Variants in TBC1D2 observed in about 807,000 individuals in gnomAD.
TBC1D2 encodes the protein TBC1 domain family member 2A.
Under a neutral mutation model 91.1 loss-of-function variants are expected in TBC1D2, and 58 were observed. That is an observed-to-expected ratio of 0.64 (90% CI 0.52 to 0.79). TBC1D2 has a LOEUF of 0.79. Among genes scored for constraint, TBC1D2 ranks in the 30% least tolerant of loss-of-function variants. The probability of loss-of-function intolerance (pLI) is 0.00; values close to 1 mark genes in which losing one functional copy is unlikely to be tolerated. For missense variants in TBC1D2, 1,080 were observed against 1,208.3 expected (o/e 0.89, Z 1.57); for synonymous variants, 482 against 511.5 (o/e 0.94, Z 0.78).
Position 98,199,448 on chromosome 9 carries a change from C to G in TBC1D2, c.2720G>C (p.Arg907Pro). 1 of 1,614,098 alleles carries G rather than the reference C, an allele frequency of 6.2e-7. No individual in the cohort carries two copies. Among genetic ancestry groups the G allele is most frequent in the South Asian group, 1.1e-5 (1 of 91,080 alleles). Reference protein sequence around the residue: ...EQLKAEYLERRASRRRAVSEG... With the variant: ...EQLKAEYLERPASRRRAVSEG... ...GGACACAGCTCTGCGCCGGGATGCC[C>G]GCCTCTCCAGGTACTCTGCCTTAAG... The change falls in exon 13 of 13, where the codon CGG becomes CCG. Residue 907 changes from arginine to proline, a missense_variant. Arg to Pro is a moderately radical substitution (Grantham distance 103). Transcript: ENST00000465784.
chr9:98,231,056 T>C (rs1212272559), intron 4 of TBC1D2, among the ~76,000 whole-genome samples: 3 of 152,184 alleles, frequency 2.0e-5, no homozygotes, highest in Non-Finnish European at 4.4e-5. Flanking sequence ...AAGCTCCTTG[T>C]AGCACTGCTG....
chr9:98,224,308 G>A (rs1481897195), intron 5 of TBC1D2, among the ~76,000 whole-genome samples: 19 of 144,930 alleles, frequency 1.3e-4, no homozygotes, highest in African/African-American at 4.3e-4. Context: ...TTTGAGACAG[G>A]GTCTCACTCT....
intron 3 of TBC1D2, among the ~76,000 whole-genome samples, chr9:98,241,407 G>A (rs1256612633): frequency 6.6e-6 from 1 of 152,170 alleles, no homozygotes; most frequent in African/African-American, 2.4e-5. Context: ...CACCAACAGT[G>A]AGTTCCAAGA....
At chr9:98,240,281 G>C (rs897754370) in intron 3 of TBC1D2, among the ~76,000 whole-genome samples, 24 of 151,756 alleles carry the variant, frequency 1.6e-4, no homozygotes, top group African/African-American at 5.1e-4. Flanking sequence ...AAAATTCATC[G>C]GTTGAATTAA....
At chr9:98,247,600 G>A (rs908729042) in intron 2 of TBC1D2, among the ~76,000 whole-genome samples, 5 of 151,626 alleles carry the variant, frequency 3.3e-5, no homozygotes, top group African/African-American at 1.2e-4. Flanking sequence ...GTGGTGGCAC[G>A]CACCTATAGT....
Position 98,255,366 on chromosome 9 carries a change from C to A in TBC1D2, c.176G>T (p.Gly59Val). The A allele has an allele frequency of 1.2e-6, 2 of 1,614,242 alleles. No individual in the cohort carries two copies. Among genetic ancestry groups the A allele is most frequent in the Non-Finnish European group, 1.7e-6 (2 of 1,180,054 alleles). Residue 59 changes from glycine to valine, a missense_variant, in exon 1 of 13, where the codon GGG (glycine) becomes GTG (valine). Gly to Val is a moderately radical substitution (Grantham distance 109, BLOSUM62 -3). Transcript: ENST00000465784. ...GCGGGATTTCCAGCCCCGGATGGGC[C>A]CTTTGCCGCCGAACTTACTTAAATA... is the stretch of plus-strand genomic sequence containing the variant. ...CGYLSKFGGK[G>V]PIRGWKSRWF...
chr9:98,246,169 G>C (rs958293365), intron 2 of TBC1D2, among the ~76,000 whole-genome samples: 1 of 152,218 alleles, frequency 6.6e-6, no homozygotes, highest in African/African-American at 2.4e-5. Context: ...GGGTTGGTAT[G>C]AGCTTGATTA....
At chr9:98,251,757 G>A in intron 2 of TBC1D2, 28 bp downstream of exon 2, 1 of 1,545,198 alleles carries the variant, frequency 6.5e-7, no homozygotes, top group Non-Finnish European at 8.7e-7. Context: ...CCCTGGGTGT[G>A]CAGGCAGGAG....
At chr9:98,250,019 AATT>A (rs149008260) in intron 2 of TBC1D2, among the ~76,000 whole-genome samples, 4,702 of 152,222 alleles carry the variant, frequency 0.031, 93 homozygotes, top group Non-Finnish European at 0.048. Flanking sequence ...GGACGGGGGT[AATT>A]ATTAATAGAA....
At chr9:98,247,362 CA>C (rs200032213) in intron 2 of TBC1D2, among the ~76,000 whole-genome samples, 38 of 139,408 alleles carry the variant, frequency 2.7e-4, no homozygotes, top group African/African-American at 4.3e-4. Context: ...CACAAACAAA[CA>C]AAAAAAAAAA....
At chr9:98,234,915 C>T in intron 3 of TBC1D2, 1 of 200,548 alleles carries the variant, frequency 5.0e-6, no homozygotes, top group Non-Finnish European at 1.0e-5. Flanking sequence ...CAGTAAAGAT[C>T]TGGGATATGG....
In TBC1D2 at chr9:98,201,543, G is replaced by A. The variant is rs770857502; in HGVS notation, c.2393C>T (p.Ala798Val). ...GAGGATGTTGCTAATGAGACTGTCCGCAAAGACCACGAGGAACCAGTTGAA... is the reference window on the plus strand; with the variant it reads ...GAGGATGTTGCTAATGAGACTGTCCACAAAGACCACGAGGAACCAGTTGAA... ...VTFNWFLVVF[A>V]DSLISNILLR... The change falls in exon 11 of 13, where the codon GCG becomes GTG. Residue 798 changes from alanine (A) to valine (V), a missense_variant. By Grantham distance (64) the Ala-to-Val change is moderately conservative (BLOSUM62 0). Coordinates refer to ENST00000465784, the MANE Select transcript of TBC1D2 (RefSeq NM_001267571.2). The A allele has an allele frequency of 1.2e-5, 19 of 1,613,984 alleles. No individual in the cohort carries two copies. The African/African-American group carries it at 1.2e-4, about 10-fold the overall frequency.
At chr9:98,225,183 G>A (rs1407394213) in intron 5 of TBC1D2, among the ~76,000 whole-genome samples, 2 of 152,194 alleles carry the variant, frequency 1.3e-5, no homozygotes, top group Non-Finnish European at 2.9e-5. Context: ...CCAACAGATG[G>A]CCAACATCAC....
chr9:98,244,227 G>A (rs1829715525), intron 2 of TBC1D2, 98 bp from the exon 3 acceptor site: 1 of 1,517,064 alleles, frequency 6.6e-7, no homozygotes, highest in Non-Finnish European at 8.9e-7. Context: ...CTGGGAACAG[G>A]CTGGAGTTGG....
chr9:98,244,825 A>G (rs780569260), intron 2 of TBC1D2, among the ~76,000 whole-genome samples: 7 of 152,220 alleles, frequency 4.6e-5, no homozygotes, highest in Non-Finnish European at 8.8e-5. Context: ...ACTTGGGAAT[A>G]GGTTAAGTAT....
chr9:98,231,304 T>C (rs1177755752), intron 4 of TBC1D2, among the ~76,000 whole-genome samples: 1 of 136,670 alleles, frequency 7.3e-6, no homozygotes, highest in Non-Finnish European at 1.6e-5. Context: ...TTTTTTTTTT[T>C]AATTTGTAGC....
At chr9:98,245,037 G>A (rs1013212278) in intron 2 of TBC1D2, among the ~76,000 whole-genome samples, 2 of 151,136 alleles carry the variant, frequency 1.3e-5, no homozygotes, top group South Asian at 2.1e-4. Context: ...TCAGGAGATC[G>A]AGACTGTCCT....
intron 5 of TBC1D2, among the ~76,000 whole-genome samples, chr9:98,224,007 G>C (rs190525898): frequency 2.6e-5 from 4 of 152,132 alleles, no homozygotes; most frequent in Admixed American, 2.6e-4. Flanking sequence ...AGACCATCCT[G>C]GCTAACATGG....
At chr9:98,240,186 TG>T (rs1829602621) in intron 3 of TBC1D2, among the ~76,000 whole-genome samples, 1 of 151,848 alleles carries the variant, frequency 6.6e-6, no homozygotes, top group Non-Finnish European at 1.5e-5. Context: ...TGTGTGTGTG[TG>T]TGTGTGTTTT....
Sources: allele counts gnomAD v4.1 joint callset (sites outside exome capture counted in the v4.1 genomes callset), GRCh38; gene constraint gnomAD v4.1.1; transcripts MANE v1.5; gene names NCBI Gene and HGNC (gene_info 2026-07-23, HGNC 2026-07-21).